HGD: variants seen among roughly 807,000 people sequenced by gnomAD.
HGD encodes homogentisate oxidase.
In HGD, 61 loss-of-function variants were observed where a neutral mutation model predicts 60.8. That is an observed-to-expected ratio of 1.00 (90% CI 0.82 to 1.24). The LOEUF (loss-of-function observed/expected upper bound fraction) is 1.24, where lower values mean the gene tolerates loss of function less well. HGD is among the 50% of genes most tolerant of loss of function. HGD has a pLI of 0.00. For missense variants in HGD, 542 were observed against 547.1 expected, an observed-to-expected ratio of 0.99 and a Z score of 0.09; for synonymous variants, 212 against 187.7, an observed-to-expected ratio of 1.13 and a Z score of -1.06.
rs1488146535 is a variant in HGD, at chr3:120,628,499, C to T, written c.1219G>A (p.Ala407Thr). Residue 407 changes from alanine (A) to threonine (T), a missense_variant, in exon 14 of 14, where the codon GCG (alanine) becomes ACG (threonine). By Grantham distance (58) the Ala-to-Thr change is moderately conservative. This residue lies in a region of HGD where 537 missense variants were observed against 529.1 expected (regional missense o/e 1.01). Coordinates refer to ENST00000283871, the MANE Select transcript of HGD (RefSeq NM_000187.4). ...AFMFESSLSLAVTKWGLKASR... is the reference protein window; with the variant it reads ...AFMFESSLSLTVTKWGLKASR... ...GCCTTGAGTCCCCACTTTGTGACCG[C>T]CAGACTTAAAGATGATTCAAACATA... 1 of 1,613,944 alleles carries T rather than the reference C, an allele frequency of 6.2e-7. No individual in the cohort carries two copies. Among genetic ancestry groups the T allele is most frequent in the South Asian group, 1.1e-5 (1 of 91,070 alleles).
In HGD at chr3:120,646,241, C is replaced by T. The variant is rs1177418259; in HGVS notation, c.649+26G>A. ...TCTGAGTCCTACATCTCAAGCGAGG[C>T]TTAGAGGCTTGTAATGAAGATTTAC... is the stretch of plus-strand genomic sequence containing the variant. On this transcript the variant is annotated intron_variant, in intron 9 of 13. Transcript: ENST00000283871. 2.2e-6 allele frequency: 3 copies of T among 1,361,902 alleles called. No individual in the cohort carries two copies. In the Admixed American group the frequency reaches 5.0e-5, roughly 23 times the overall value. 84.4% of individuals were successfully genotyped at this position (1,361,902 alleles called of 1,614,324 possible). A position where few individuals can be genotyped will look rare whatever the true frequency, so the allele number is the denominator to read the frequency against.
intron 4 of HGD, among the ~76,000 whole-genome samples, chr3:120,653,257 CTTTAA>C (rs970108495): frequency 1.2e-4 from 19 of 152,198 alleles, no homozygotes; most frequent in Non-Finnish European, 1.5e-4. Flanking sequence ...TCACAACAAT[CTTTAA>C]TTTAATAATG....
chr3:120,659,946 G>GGC (rs1340044158), intron 4 of HGD, among the ~76,000 whole-genome samples: 8 of 151,570 alleles, frequency 5.3e-5, no homozygotes, highest in Non-Finnish European at 1.0e-4. Flanking sequence ...GAGAGAGTGG[G>GGC]GGGTGGTTGC....
chr3:120,667,124 A>G (rs554208934), intron 4 of HGD, among the ~76,000 whole-genome samples: 2 of 151,906 alleles, frequency 1.3e-5, no homozygotes, highest in Non-Finnish European at 2.9e-5. Flanking sequence ...CAGGAGTTCG[A>G]GACCAGCCTG....
intron 11 of HGD, among the ~76,000 whole-genome samples, chr3:120,640,227 G>T (rs940201266): frequency 6.6e-6 from 1 of 150,910 alleles, no homozygotes; most frequent in African/African-American, 2.4e-5. Context: ...GGAAGGACGT[G>T]GCGGGGATGG....
chr3:120,640,575 G>A (rs927382224), intron 11 of HGD, among the ~76,000 whole-genome samples: 5 of 152,184 alleles, frequency 3.3e-5, no homozygotes, highest in Admixed American at 1.3e-4. Flanking sequence ...AGAGAAGATC[G>A]CATCTGTGTA....
chr3:120,635,307 C>T (rs1940727413), intron 12 of HGD, among the ~76,000 whole-genome samples: 1 of 151,910 alleles, frequency 6.6e-6, no homozygotes, highest in Non-Finnish European at 1.5e-5. Context: ...GAAACCTCGT[C>T]TCTACTAAAA....
chr3:120,641,253 T>C (rs2107501974), intron 11 of HGD, among the ~76,000 whole-genome samples: 1 of 152,276 alleles, frequency 6.6e-6, no homozygotes, highest in Middle Eastern at 3.4e-3. Flanking sequence ...TCCTTTCTCC[T>C]CATTCTACCA....
rs184057436 is a variant in HGD at position 120,656,519 on chromosome 3, A to G, written c.283-3868T>C. Among the ~76,000 whole-genome samples, 78 of 151,812 alleles carry G rather than the reference A, an allele frequency of 5.1e-4. 1 individual carries two copies. The East Asian group carries it at 0.013, about 25-fold the overall frequency. On this transcript the variant is annotated intron_variant, in intron 4 of 13. Transcript: ENST00000283871. ...TGAATAAATCTAAGGCACTAACAAC[A>G]TTGCTAAGAACAAGAATAAAGTAAA...
intron 4 of HGD, among the ~76,000 whole-genome samples, chr3:120,664,530 C>G (rs962137832): frequency 3.3e-5 from 5 of 150,072 alleles, no homozygotes; most frequent in African/African-American, 1.2e-4. Flanking sequence ...CAGGCTCGAG[C>G]AGTCTTCCCA....
At chr3:120,675,651 T>C (rs1708113190) in intron 2 of HGD, 141 bp downstream of exon 2, 2 of 710,458 alleles carry the variant, frequency 2.8e-6, no homozygotes, top group African/African-American at 1.7e-5. Flanking sequence ...TGTATCTTCA[T>C]TGCCCCTATG....
At chr3:120,663,689 G>T (rs146220395) in intron 4 of HGD, among the ~76,000 whole-genome samples, 2 of 152,272 alleles carry the variant, frequency 1.3e-5, no homozygotes, top group African/African-American at 4.8e-5. Flanking sequence ...TCCAGGCTGG[G>T]ATGTAGAGGA....
intron 13 of HGD, among the ~76,000 whole-genome samples, chr3:120,630,670 C>T (rs1247904277): frequency 6.6e-6 from 1 of 151,730 alleles, no homozygotes; most frequent in East Asian, 1.9e-4. Context: ...ACTATAAAAA[C>T]TCTGGAAGAT....
At chr3:120,638,685 AT>A in intron 11 of HGD, 104 bp from the exon 12 acceptor site, 2 of 1,324,310 alleles carry the variant, frequency 1.5e-6, no homozygotes, top group Non-Finnish European at 2.1e-6. Context: ...TGACATTCTA[AT>A]TTTTTTATTT....
At chr3:120,630,835 C>T (rs1453519770) in intron 13 of HGD, among the ~76,000 whole-genome samples, 221 of 75,888 alleles carry the variant, frequency 2.9e-3, no homozygotes, top group African/African-American at 8.1e-3. Flanking sequence ...TACACATACA[C>T]ACACACATAC....
intron 5 of HGD, 29 bp from the exon 6 acceptor site, chr3:120,650,894 G>A (rs746196525): frequency 1.9e-6 from 3 of 1,563,148 alleles, no homozygotes; most frequent in Non-Finnish European, 2.6e-6. Flanking sequence ...AGAGGGAAAG[G>A]TTAATGTGAA....
chr3:120,647,099 T>C (rs1941190556), intron 7 of HGD, 47 bp from the exon 8 acceptor site: 1 of 1,451,286 alleles, frequency 6.9e-7, no homozygotes, highest in Non-Finnish European at 9.7e-7. Context: ...TTTGGTGTGA[T>C]AACCATTTCA....
At chr3:120,656,672 C>T (rs1941507516) in intron 4 of HGD, among the ~76,000 whole-genome samples, 1 of 152,150 alleles carries the variant, frequency 6.6e-6, no homozygotes, top group Admixed American at 6.5e-5. Context: ...CTGCCTCAGC[C>T]TCCTGAGTAG....
chr3:120,629,395 C>T (rs994911130), intron 13 of HGD, among the ~76,000 whole-genome samples: 1 of 152,180 alleles, frequency 6.6e-6, no homozygotes, highest in African/African-American at 2.4e-5. Context: ...AAAGCACCCA[C>T]ATTAATGTTT....
Sources: allele counts gnomAD v4.1 joint callset (sites outside exome capture counted in the v4.1 genomes callset), GRCh38; gene constraint gnomAD v4.1.1; regional missense constraint gnomAD v4.1.1; transcripts MANE v1.5; gene names NCBI Gene and HGNC (gene_info 2026-07-23, HGNC 2026-07-21).